The following ALPK3 variants were observed in gnomAD, a reference collection of about 807,000 sequenced individuals.
ALPK3 encodes alpha-protein kinase 3.
Under a neutral mutation model 140.0 loss-of-function variants are expected in ALPK3, and 102 were observed. That is an observed-to-expected ratio of 0.73 (90% CI 0.62 to 0.86). ALPK3 has a LOEUF of 0.86. Among genes scored for constraint, ALPK3 ranks in the 40% least tolerant of loss-of-function variants. The pLI is 0.00. For missense variants in ALPK3, 2,254 were observed against 2,208.2 expected, an observed-to-expected ratio of 1.02 and a Z score of -0.42; for synonymous variants, 938 against 898.5, an observed-to-expected ratio of 1.04 and a Z score of -0.79.
At chr15:84,849,354 G>A (rs1164727159) in intron 5 of ALPK3, among the ~76,000 whole-genome samples, 1 of 152,018 alleles carries the variant, frequency 6.6e-6, no homozygotes, top group Non-Finnish European at 1.5e-5. Flanking sequence ...GTAATCAATA[G>A]AACTAGTAGA....
At position 84,868,398 on chromosome 15, in the gene ALPK3, A is replaced by G. The variant is rs781341096; in HGVS notation, c.5060A>G (p.Gln1687Arg). ...CAGGCCTCAGAGCCAGTCACCACTC[A>G]GTTGTTGGGACAGCCTCCCACCCAA... is the stretch of plus-strand genomic sequence containing the variant. ...TPQASEPVTT[Q>R]LLGQPPTQEE... Residue 1687 changes from glutamine (Q) to arginine (R), a missense_variant, in exon 14 of 14, where the codon CAG becomes CGG. This residue lies in a region of ALPK3 where 158 missense variants were observed against 159.8 expected (regional missense o/e 0.99). Coordinates refer to ENST00000258888, the MANE Select transcript of ALPK3 (RefSeq NM_020778.5). The G allele has an allele frequency of 1.2e-6, 2 of 1,613,208 alleles. No individual in the cohort carries two copies. The highest frequency in any genetic ancestry group is 2.2e-5 in the East Asian group (1 of 44,860).
intron 1 of ALPK3, among the ~76,000 whole-genome samples, chr15:84,819,366 T>G (rs1963398251): frequency 6.6e-6 from 1 of 152,224 alleles, no homozygotes; most frequent in Non-Finnish European, 1.5e-5. Flanking sequence ...GTTTTGCCCC[T>G]GCAGAGTTTT....
chr15:84,828,111 A>C (rs1367730224), intron 3 of ALPK3, among the ~76,000 whole-genome samples: 1 of 152,172 alleles, frequency 6.6e-6, no homozygotes, highest in Non-Finnish European at 1.5e-5. Context: ...ATAACCTCTC[A>C]GCTGCCTCAT....
intron 5 of ALPK3, among the ~76,000 whole-genome samples, chr15:84,848,782 G>T (rs1290426134): frequency 1.3e-5 from 2 of 152,064 alleles, no homozygotes; most frequent in Non-Finnish European, 2.9e-5. Context: ...TATATACCAT[G>T]CAAACACTAA....
At chr15:84,853,129 T>G (rs532634327) in intron 5 of ALPK3, among the ~76,000 whole-genome samples, 1 of 152,368 alleles carries the variant, frequency 6.6e-6, no homozygotes, top group Non-Finnish European at 1.5e-5. Flanking sequence ...GCAACAGTCT[T>G]GTATGCACAG....
chr15:84,841,805 T>G (rs1167889248), intron 5 of ALPK3, among the ~76,000 whole-genome samples: 1 of 152,150 alleles, frequency 6.6e-6, no homozygotes, highest in East Asian at 1.9e-4. Flanking sequence ...TTCTTTATGT[T>G]TCAGGGGCTT....
chr15:84,850,704 T>C (rs1386826547), intron 5 of ALPK3, among the ~76,000 whole-genome samples: 1 of 152,116 alleles, frequency 6.6e-6, no homozygotes, highest in Non-Finnish European at 1.5e-5. Context: ...GAGTCCTTAA[T>C]ATCTGAGAAT....
chr15:84,824,729 A>C (rs1355611583), intron 2 of ALPK3, among the ~76,000 whole-genome samples: 1 of 152,180 alleles, frequency 6.6e-6, no homozygotes, highest in Non-Finnish European at 1.5e-5. Flanking sequence ...AAAACCAATG[A>C]TTCTGGTGTT....
rs1163387390 is a variant in ALPK3 at position 84,817,514 on chromosome 15, GCGACGGTGAGGA to G, written c.69_80del (p.Glu24_Gly27del). 81 of 1,477,992 alleles carry G rather than the reference GCGACGGTGAGGA, an allele frequency of 5.5e-5. No homozygotes were observed. Among genetic ancestry groups the G allele is most frequent in the Non-Finnish European group, 7.1e-5 (80 of 1,121,388 alleles). 91.6% of individuals were successfully genotyped at this position (1,477,992 alleles called of 1,614,324 possible). A position where few individuals can be genotyped will look rare whatever the true frequency, so the allele number is the denominator to read the frequency against. On this transcript the variant is annotated inframe_deletion, in exon 1 of 14. Coordinates refer to ENST00000258888, the MANE Select transcript of ALPK3 (RefSeq NM_020778.5). ...GCGGGTGGGCGGTCGGGGGCGGGGG[GCGACGGTGAGGA>G]CGACGGCCCCGTGTGGATCCCCAGC...
intron 3 of ALPK3, among the ~76,000 whole-genome samples, chr15:84,833,890 C>T (rs1963570497): frequency 6.6e-6 from 1 of 152,074 alleles, no homozygotes; most frequent in Admixed American, 6.5e-5. Flanking sequence ...TTCCTTGAGG[C>T]AGCCTACTGT....
chr15:84,862,612 A>G (rs1348849085), intron 9 of ALPK3, 23 bp from the exon 10 acceptor site: 4 of 1,579,250 alleles, frequency 2.5e-6, no homozygotes, highest in Non-Finnish European at 1.7e-6. Flanking sequence ...CTGGTCTCCC[A>G]CATTTCTCCT....
chr15:84,826,888 A>G (rs1021046826), intron 2 of ALPK3, among the ~76,000 whole-genome samples: 1 of 152,082 alleles, frequency 6.6e-6, no homozygotes, highest in African/African-American at 2.4e-5. Flanking sequence ...ACCCTTATGA[A>G]TTAGAGTCCC....
At chr15:84,827,670 T>C (rs1963504480) in intron 3 of ALPK3, 65 bp downstream of exon 3, 1 of 1,594,450 alleles carries the variant, frequency 6.3e-7, no homozygotes, top group African/African-American at 1.3e-5. Flanking sequence ...AAGGAGGCTG[T>C]GAGGACAGGA....
chr15:84,851,169 G>T (rs1016200722), intron 5 of ALPK3, among the ~76,000 whole-genome samples: 5 of 152,166 alleles, frequency 3.3e-5, no homozygotes, highest in Admixed American at 3.3e-4. Flanking sequence ...GGGAACTCAG[G>T]AAGTCTTTAA....
chr15:84,823,178 A>C, intron 1 of ALPK3, 152 bp from the exon 2 acceptor site: 1 of 783,568 alleles, frequency 1.3e-6, no homozygotes, highest in South Asian at 1.7e-5. Flanking sequence ...CCAGTTGCTA[A>C]ATGGAGCAGG....
chr15:84,859,776 C>T lies in ALPK3; in HGVS notation c.3966C>T (p.Ser1322=), dbSNP rs764601903. 9.3e-6 allele frequency: 15 copies of T among 1,611,078 alleles called. No homozygotes were observed. The highest frequency in any genetic ancestry group is 4.0e-5 in the African/African-American group (3 of 74,926). The change falls in exon 8 of 14, where the codon AGC becomes AGT. Residue 1322 remains serine (S), a splice_region_variant and synonymous_variant. Coordinates refer to ENST00000258888, the MANE Select transcript of ALPK3 (RefSeq NM_020778.5). ...DQRPVGEVGR[S]AGDEGPAALA... ...CACGAGTAGGGTCTCCACTCTGCAG[C>T]GCAGGGGATGAGGGGCCGGCGGCCT...
intron 5 of ALPK3, among the ~76,000 whole-genome samples, chr15:84,855,677 A>T (rs940594558): frequency 1.3e-5 from 2 of 152,186 alleles, no homozygotes; most frequent in Admixed American, 6.5e-5. Flanking sequence ...GACAGATCAC[A>T]TGCCTTCTTG....
In ALPK3 at chr15:84,857,764, G is replaced by A. The variant is rs138597569; in HGVS notation, c.3026G>A (p.Arg1009Gln). 1.9e-4 allele frequency: 305 copies of A among 1,612,890 alleles called. 1 individual carries two copies. The highest frequency in any genetic ancestry group is 3.0e-4 in the Admixed American group (18 of 59,986). ...GTGGAAGTGGCTGGGCTTAGTCCCC[G>A]GACATCGAGGCGCATCCTGGAGCGT... is the stretch of plus-strand genomic sequence containing the variant. ...PTVEVAGLSP[R>Q]TSRRILERVE... The change falls in exon 6 of 14, where the codon CGG (arginine) becomes CAG (glutamine). Residue 1009 changes from arginine (R) to glutamine (Q), a missense_variant. Arg to Gln is a conservative substitution (Grantham distance 43, BLOSUM62 1). This residue lies in a region of ALPK3 where 2,088 missense variants were observed against 2,022.9 expected (regional missense o/e 1.03). Coordinates refer to ENST00000258888, the MANE Select transcript of ALPK3 (RefSeq NM_020778.5).
At chr15:84,827,426 A>C (rs2141548741) in intron 2 of ALPK3, 58 bp from the exon 3 acceptor site, 2 of 1,609,142 alleles carry the variant, frequency 1.2e-6, no homozygotes, top group South Asian at 2.2e-5. Flanking sequence ...TGGACAGGCC[A>C]GGCTGTGCTG....
Sources: gnomAD v4.1 joint callset for allele counts (sites outside exome capture counted in the v4.1 genomes callset) on GRCh38, gnomAD v4.1.1 for gene constraint, gnomAD v4.1.1 regional missense constraint, MANE v1.5 for transcripts, NCBI Gene and HGNC (gene_info 2026-07-23, HGNC 2026-07-21) for gene names.